NBAS: variants seen among roughly 807,000 people sequenced by gnomAD.
NBAS encodes the protein NAG/BC035112 fusion.
A neutral mutation model predicts 302.5 loss-of-function variants in NBAS; 219 were observed. The ratio of observed to expected loss-of-function variants is 0.72; its 90% CI spans 0.65 to 0.81. NBAS has a LOEUF of 0.81. NBAS is among the 30% of genes least tolerant of loss of function. The pLI, the probability that NBAS is intolerant of heterozygous loss-of-function variation, is 0.00. For missense variants in NBAS, 2,932 were observed against 2,841.6 expected (o/e 1.03, Z -0.72); for synonymous variants, 1,118 against 1,021.6 (o/e 1.09, Z -1.80).
At chr2:15,459,236 T>C (rs755809246) in intron 21 of NBAS, among the ~76,000 whole-genome samples, 3 of 152,252 alleles carry the variant, frequency 2.0e-5, no homozygotes, top group Middle Eastern at 6.8e-3. Context: ...CCTAGACAAA[T>C]GTATCCAAAT....
the NBAS span, among the ~76,000 whole-genome samples, chr2:14,793,465 T>G: frequency 6.6e-6 from 1 of 152,106 alleles, no homozygotes; most frequent in Non-Finnish European, 1.5e-5. Context: ...TATGATAGAT[T>G]CAGTAAACTT....
chr2:15,328,151 A>T, intron 37 of NBAS, 48 bp downstream of exon 37: 1 of 1,545,094 alleles, frequency 6.5e-7, no homozygotes, highest in Non-Finnish European at 8.9e-7. Flanking sequence ...TCTACTGTCT[A>T]CAACAGCATG....
the NBAS span, among the ~76,000 whole-genome samples, chr2:15,010,610 A>C: frequency 1.3e-5 from 2 of 152,204 alleles, no homozygotes; most frequent in African/African-American, 2.4e-5. Context: ...ACACAGCCCA[A>C]TTTCCCAGTA....
intron 50 of NBAS, among the ~76,000 whole-genome samples, chr2:15,184,876 G>A (rs1665004097): frequency 6.6e-6 from 1 of 152,170 alleles, no homozygotes; most frequent in South Asian, 2.1e-4. Flanking sequence ...AAACCGATAA[G>A]AGTATTTTAA....
At chr2:14,795,797 A>T in the NBAS span, among the ~76,000 whole-genome samples, 1 of 151,976 alleles carries the variant, frequency 6.6e-6, no homozygotes, top group Non-Finnish European at 1.5e-5. Context: ...ATGAGTAGCA[A>T]CTCCTACCCC....
At chr2:15,234,815 G>C in intron 45 of NBAS, 68 bp from the exon 46 acceptor site, 1 of 1,503,718 alleles carries the variant, frequency 6.7e-7, no homozygotes, top group South Asian at 1.1e-5. Context: ...TGCACAAAGT[G>C]AAACATATTT....
intron 25 of NBAS, among the ~76,000 whole-genome samples, chr2:15,414,543 AC>A (rs1488017751): frequency 6.6e-6 from 1 of 152,240 alleles, no homozygotes; most frequent in African/African-American, 2.4e-5. Flanking sequence ...CCTACACTTA[AC>A]AAAATGACTA....
the NBAS span, among the ~76,000 whole-genome samples, chr2:15,129,342 A>G: frequency 6.6e-6 from 1 of 152,128 alleles, no homozygotes; most frequent in East Asian, 1.9e-4. Context: ...ATTCTTCAGG[A>G]GCAAATTCCA....
chr2:14,806,459 A>G, the NBAS span, among the ~76,000 whole-genome samples: 15 of 152,304 alleles, frequency 9.8e-5, no homozygotes, highest in African/African-American at 3.6e-4. Flanking sequence ...GACATAAATT[A>G]TTATTGTGAT....
At chr2:15,076,100 C>G in the NBAS span, among the ~76,000 whole-genome samples, 1 of 152,198 alleles carries the variant, frequency 6.6e-6, no homozygotes, top group African/African-American at 2.4e-5. Context: ...ACAACTCCTG[C>G]TCTAATAACT....
At chr2:15,455,053 C>A (rs1679189319) in intron 21 of NBAS, among the ~76,000 whole-genome samples, 1 of 152,094 alleles carries the variant, frequency 6.6e-6, no homozygotes, top group Non-Finnish European at 1.5e-5. Flanking sequence ...CAGGTGTGTG[C>A]CACCATGCCC....
chr2:15,296,654 G>T (rs753466920), intron 40 of NBAS, among the ~76,000 whole-genome samples: 2 of 152,020 alleles, frequency 1.3e-5, no homozygotes, highest in Non-Finnish European at 2.9e-5. Context: ...AACATAGTGA[G>T]ACCCTGTCTC....
At chr2:15,478,589 A>G (rs1202574667) in intron 12 of NBAS, among the ~76,000 whole-genome samples, 1 of 152,208 alleles carries the variant, frequency 6.6e-6, no homozygotes, top group Non-Finnish European at 1.5e-5. Flanking sequence ...AATTCATCCT[A>G]TACACATGCA....
chr2:14,970,161 C>T, the NBAS span, among the ~76,000 whole-genome samples: 1 of 152,010 alleles, frequency 6.6e-6, no homozygotes, highest in African/African-American at 2.4e-5. Flanking sequence ...TCAGATTCTC[C>T]ATGGGGAAGA....
the NBAS span, among the ~76,000 whole-genome samples, chr2:15,053,944 A>G: frequency 6.6e-6 from 1 of 151,322 alleles, no homozygotes; most frequent in Admixed American, 6.6e-5. Context: ...TCCTTGTGAA[A>G]AAAAAAAAAT....
Position 15,346,964 on chromosome 2 carries a change from A to C in NBAS, c.4179+5028T>G, listed in dbSNP as rs925271706. Among the ~76,000 whole-genome samples, 6 of 152,268 alleles carry C rather than the reference A, an allele frequency of 3.9e-5. No individual in the cohort carries two copies. The East Asian group carries it at 1.2e-3, about 29-fold the overall frequency. On this transcript the variant is annotated intron_variant, in intron 35 of 51. Coordinates refer to ENST00000281513, the MANE Select transcript of NBAS (RefSeq NM_015909.4). ...AGAGATGAACTATGAGAACACATGGACCCAGGGAGGGGAACAACACATACC... is the reference window on the plus strand; with the variant it reads ...AGAGATGAACTATGAGAACACATGGCCCCAGGGAGGGGAACAACACATACC...
At chr2:15,347,613 GT>G (rs1402298607) in intron 35 of NBAS, among the ~76,000 whole-genome samples, 1 of 152,162 alleles carries the variant, frequency 6.6e-6, no homozygotes, top group Non-Finnish European at 1.5e-5. Flanking sequence ...CTTTCCCACA[GT>G]GCAAATGATT....
chr2:15,292,435 GA>G, intron 41 of NBAS, 101 bp downstream of exon 41: 1 of 1,228,240 alleles, frequency 8.1e-7, no homozygotes, highest in South Asian at 1.3e-5. Flanking sequence ...TAGCAACCAT[GA>G]ATGTAAAACT....
At position 15,328,247 on chromosome 2, in the gene NBAS, C is replaced by A. The variant is rs138608842; in HGVS notation, c.4413G>T (p.Gly1471=). Residue 1471 remains glycine, a synonymous_variant, in exon 37 of 52, where the codon GGG becomes GGT. Transcript: ENST00000281513. ...TGACAGATTCATAAAAAGGATGACA[C>A]CCTTGTTTCTCTAGATCTTCATTGG... The part of the protein sequence containing the change: ...TTANEDLEKQ[G]CHPFYESVIS... 55 of 1,613,948 alleles carry A rather than the reference C, an allele frequency of 3.4e-5. No individual in the cohort carries two copies. In the African/African-American group the frequency reaches 6.8e-4, roughly 20 times the overall value.
Sources: gnomAD v4.1 joint callset for allele counts (sites outside exome capture counted in the v4.1 genomes callset) on GRCh38, gnomAD v4.1.1 for gene constraint, MANE v1.5 for transcripts, NCBI Gene and HGNC (gene_info 2026-07-23, HGNC 2026-07-21) for gene names.